Variants in INTU observed in about 807,000 individuals in gnomAD.
INTU encodes the protein inturned planar cell polarity protein.
Under a neutral mutation model 100.5 loss-of-function variants are expected in INTU, and 68 were observed. The ratio of observed to expected loss-of-function variants is 0.68; its 90% confidence interval spans 0.56 to 0.83. INTU has a LOEUF of 0.83. INTU is among the 40% of genes least tolerant of loss of function. The pLI, the probability that INTU is intolerant of heterozygous loss-of-function variation, is 0.00. For synonymous variants in INTU, 357 were observed against 395.7 expected, an observed-to-expected ratio of 0.90 and a Z score of 1.16; for missense variants, 1,071 against 1,114.7, an observed-to-expected ratio of 0.96 and a Z score of 0.56.
rs117981529 is a variant in INTU, at chr4:127,711,475, A to T, written c.2559+373A>T. 1.6e-4 allele frequency among the ~76,000 whole-genome samples: 25 copies of T among 152,276 alleles called. No individual in the cohort carries two copies. In the East Asian group the frequency reaches 4.4e-3, roughly 27 times the overall value. On this transcript the variant is annotated intron_variant, in intron 14 of 15. Transcript: ENST00000335251. ...CTGATAATTCTTTGAGTATTTAGCCAATAGTATAGGGATTTTGGAATATAA... is the reference window on the plus strand; with the variant it reads ...CTGATAATTCTTTGAGTATTTAGCCTATAGTATAGGGATTTTGGAATATAA...
intron 9 of INTU, among the ~76,000 whole-genome samples, chr4:127,703,983 T>C (rs1431152744): frequency 6.6e-6 from 1 of 152,190 alleles, no homozygotes; most frequent in Non-Finnish European, 1.5e-5. Context: ...GAGTGACAGA[T>C]TTTATGTTCT....
chr4:127,635,122 ATGCTT>A (rs1276292659), intron 1 of INTU, among the ~76,000 whole-genome samples: 1 of 152,220 alleles, frequency 6.6e-6, no homozygotes, highest in Admixed American at 6.5e-5. Flanking sequence ...TGTTTCATAC[ATGCTT>A]TGTACCTGAG....
At chr4:127,654,595 G>A (rs1195729916) in intron 2 of INTU, among the ~76,000 whole-genome samples, 1 of 152,062 alleles carries the variant, frequency 6.6e-6, no homozygotes, top group African/African-American at 2.4e-5. Flanking sequence ...GAGACCCGCT[G>A]TTAGTCTGAT....
intron 8 of INTU, among the ~76,000 whole-genome samples, chr4:127,696,438 C>G (rs1198156762): frequency 6.6e-6 from 1 of 152,082 alleles, no homozygotes; most frequent in Admixed American, 6.6e-5. Context: ...TTTGTCCATT[C>G]CATCTAGGTT....
rs184305513 is a variant in INTU, at chr4:127,718,127, A to G, written c.*1691A>G. On this transcript the variant is annotated 3_prime_UTR_variant, in exon 16 of 16. Transcript: ENST00000335251. ...GGGATTTTATAGTTTTGGGCTTTAC[A>G]TTTAAGCCTTTATTCTATCTTAATT... 9.2e-5 allele frequency: 14 copies of G among 152,224 alleles called. No individual in the cohort carries two copies. The highest frequency in any genetic ancestry group is 9.2e-4 in the Admixed American group (14 of 15,286). 9.4% of individuals were successfully genotyped at this position (152,224 alleles called of 1,614,324 possible). A position where few individuals can be genotyped will look rare whatever the true frequency, so the allele number is the denominator to read the frequency against.
At chr4:127,669,214 C>A in intron 5 of INTU, 60 bp downstream of exon 5, 1 of 758,700 alleles carries the variant, frequency 1.3e-6, no homozygotes. Context: ...TTCACCCTGA[C>A]AAAATGCTAA....
intron 8 of INTU, among the ~76,000 whole-genome samples, chr4:127,695,069 A>T (rs899583542): frequency 6.6e-6 from 1 of 152,186 alleles, no homozygotes; most frequent in African/African-American, 2.4e-5. Flanking sequence ...AGATCAAGTT[A>T]TGAAGAACTG....
In INTU at chr4:127,681,315, A is replaced by G. The variant is rs572883188; in HGVS notation, c.1182-3094A>G. Among the ~76,000 whole-genome samples the G allele has an allele frequency of 3.2e-4, 48 of 151,980 alleles. 1 individual carries two copies. In the South Asian group the frequency reaches 7.2e-3, roughly 23 times the overall value. On this transcript the variant is annotated intron_variant, in intron 6 of 15. Transcript: ENST00000335251. ...GCCAAGTCAATCCTAAGCCAAAAGA[A>G]CAAAGCTGGAGGCATCACCCTACCT...
intron 8 of INTU, among the ~76,000 whole-genome samples, chr4:127,698,479 T>C (rs957514415): frequency 4.0e-5 from 6 of 149,168 alleles, no homozygotes; most frequent in African/African-American, 1.2e-4. Context: ...AAAAAAAAAG[T>C]CGTGTGTGAG....
At chr4:127,653,552 T>C (rs1194158951) in intron 2 of INTU, among the ~76,000 whole-genome samples, 1 of 152,242 alleles carries the variant, frequency 6.6e-6, no homozygotes, top group African/African-American at 2.4e-5. Context: ...TTCTTAATCC[T>C]GAGTTGTAGT....
chr4:127,636,053 A>G (rs1727055423), intron 1 of INTU, among the ~76,000 whole-genome samples: 1 of 152,018 alleles, frequency 6.6e-6, no homozygotes, highest in African/African-American at 2.4e-5. Flanking sequence ...ATTGCTTGAC[A>G]CCAGGAGTCA....
At position 127,725,520 on chromosome 4, in the gene INTU, G is replaced by GC; in HGVS notation, c.*9084_*9085insC. On this transcript the variant is annotated 3_prime_UTR_variant, in exon 16 of 16. Coordinates refer to ENST00000335251, the MANE Select transcript of INTU (RefSeq NM_015693.4). Reference sequence around the variant, plus strand: ...CTAATACTGATAATTATGAATAAACGTAGCTGTTGATCACCTCAGGTTTTC... The same window carrying GC: ...CTAATACTGATAATTATGAATAAACGCTAGCTGTTGATCACCTCAGGTTTTC... The GC allele has an allele frequency of 6.6e-6, 1 of 152,046 alleles. No individual in the cohort carries two copies. Among genetic ancestry groups the GC allele is most frequent in the African/African-American group, 2.4e-5 (1 of 41,400 alleles). The allele number at this position is 152,046 out of a possible 1,614,324, so 9.4% of individuals were successfully genotyped here. A position where few individuals can be genotyped will look rare whatever the true frequency, so the allele number is the denominator to read the frequency against.
chr4:127,640,673 C>T (rs1215162300), intron 1 of INTU, among the ~76,000 whole-genome samples: 1 of 147,430 alleles, frequency 6.8e-6, no homozygotes, highest in Non-Finnish European at 1.5e-5. Context: ...CAAAGCTTAT[C>T]AGTAGGTGAA....
chr4:127,696,924 A>G (rs1730418186), intron 8 of INTU, among the ~76,000 whole-genome samples: 1 of 152,206 alleles, frequency 6.6e-6, no homozygotes, highest in Non-Finnish European at 1.5e-5. Flanking sequence ...CTTTATACTG[A>G]AACATTCTGA....
chr4:127,691,791 T>G (rs187604732), intron 8 of INTU, among the ~76,000 whole-genome samples: 214 of 151,976 alleles, frequency 1.4e-3, no homozygotes, highest in Middle Eastern at 6.8e-3. Context: ...ATCATTCTTA[T>G]GCCTTTGCAT....
In INTU at chr4:127,708,610, T is replaced by G; in HGVS notation, c.2311T>G (p.Leu771Val). Reference sequence around the variant, plus strand: ...GTCTACTCTTCCAAATCCATTTCATTTGGGAAACTTGAAAAAGGACCTTCC... The same window carrying G: ...GTCTACTCTTCCAAATCCATTTCATGTGGGAAACTTGAAAAAGGACCTTCC... ...KKSTLPNPFH[L>V]GNLKKDLPEK... Residue 771 changes from leucine to valine, a missense_variant, in exon 13 of 16, where the codon TTG (leucine) becomes GTG (valine). Physicochemically the swap from Leu to Val is conservative, Grantham distance 32. Coordinates refer to ENST00000335251, the MANE Select transcript of INTU (RefSeq NM_015693.4). 1 of 1,600,068 alleles carries G rather than the reference T, an allele frequency of 6.2e-7. No homozygotes were observed. Among genetic ancestry groups the G allele is most frequent in the Middle Eastern group, 1.7e-4 (1 of 5,878 alleles).
intron 6 of INTU, among the ~76,000 whole-genome samples, chr4:127,682,722 G>A (rs1729635671): frequency 6.6e-6 from 1 of 151,266 alleles, no homozygotes; most frequent in African/African-American, 2.4e-5. Context: ...TTGTGCACAT[G>A]TACCCTAAAA....
In INTU at chr4:127,643,510, C is replaced by G; in HGVS notation, c.147-11C>G. 1 of 1,560,134 alleles carries G rather than the reference C, an allele frequency of 6.4e-7. No individual in the cohort carries two copies. The highest frequency in any genetic ancestry group is 2.1e-5 in the Admixed American group (1 of 47,232). On this transcript the variant is annotated splice_polypyrimidine_tract_variant and intron_variant, in intron 1 of 15. Transcript: ENST00000335251. ...GGCTGCTATTAAGATTATCTTTTCT[C>G]TCTTTCATAGTGATCTTGAGCCTGA...
At chr4:127,671,670 T>C (rs1728934024) in intron 5 of INTU, among the ~76,000 whole-genome samples, 1 of 152,080 alleles carries the variant, frequency 6.6e-6, no homozygotes, top group African/African-American at 2.4e-5. Flanking sequence ...CTCATATATT[T>C]ATGAGTGCTA....
Sources: gnomAD v4.1 joint callset for allele counts (sites outside exome capture counted in the v4.1 genomes callset) on GRCh38, gnomAD v4.1.1 for gene constraint, MANE v1.5 for transcripts, NCBI Gene and HGNC (gene_info 2026-07-23, HGNC 2026-07-21) for gene names.